PAPPA: variants seen among roughly 807,000 people sequenced by gnomAD.
PAPPA encodes the protein pappalysin 1, also known as pappalysin-1.
PAPPA carries 60 observed loss-of-function variants against 164.0 expected under a neutral mutation model. The ratio of observed to expected loss-of-function variants is 0.37; its 90% CI spans 0.30 to 0.45. The LOEUF is 0.45. Among genes scored for constraint, PAPPA ranks in the 20% least tolerant of loss-of-function variants. The pLI, the probability that PAPPA is intolerant of heterozygous loss-of-function variation, is 1.00. For synonymous variants in PAPPA, 875 were observed against 814.1 expected (o/e 1.07, Z -1.27); for missense variants, 1,782 against 2,087.3 (o/e 0.85, Z 2.85).
intron 19 of PAPPA, among the ~76,000 whole-genome samples, chr9:116,370,004 C>T (rs1388394626): frequency 1.3e-5 from 2 of 152,182 alleles, no homozygotes; most frequent in African/African-American, 4.8e-5. Context: ...GCCCCTTGTG[C>T]GGTGAGAGCT....
chr9:116,382,258 G>T, intron 20 of PAPPA, 137 bp from the exon 21 acceptor site: 1 of 656,328 alleles, frequency 1.5e-6, no homozygotes. Context: ...AGGGGGTGTT[G>T]GGGATGTGAA....
At chr9:116,203,474 C>T (rs1844194736) in intron 2 of PAPPA, among the ~76,000 whole-genome samples, 2 of 152,114 alleles carry the variant, frequency 1.3e-5, no homozygotes, top group South Asian at 2.1e-4. Context: ...GACAGATGCT[C>T]ACACAGTGAA....
intron 10 of PAPPA, among the ~76,000 whole-genome samples, chr9:116,322,646 G>A (rs1333400376): frequency 6.6e-6 from 1 of 152,100 alleles, no homozygotes; most frequent in Admixed American, 6.5e-5. Flanking sequence ...AAGAATCTTG[G>A]AGGTTTATAT....
At chr9:116,389,627 C>T (rs541951510) in intron 21 of PAPPA, among the ~76,000 whole-genome samples, 2 of 152,172 alleles carry the variant, frequency 1.3e-5, no homozygotes, top group African/African-American at 4.8e-5. Flanking sequence ...TTCTACTTTA[C>T]AGCCTTTGTC....
At chr9:116,221,823 T>C (rs992273744) in intron 5 of PAPPA, among the ~76,000 whole-genome samples, 2 of 152,210 alleles carry the variant, frequency 1.3e-5, no homozygotes, top group Admixed American at 6.5e-5. Flanking sequence ...AGGACCTAAA[T>C]AGACACTTCA....
chr9:116,226,010 A>G (rs148213342), intron 5 of PAPPA, among the ~76,000 whole-genome samples: 564 of 46,208 alleles, frequency 0.012, 8 homozygotes, highest in African/African-American at 0.05. Flanking sequence ...CCTGCATGTC[A>G]AAAAAAGTTT....
At position 116,154,492 on chromosome 9, in the gene PAPPA, G is replaced by C; in HGVS notation, c.320G>C (p.Arg107Pro). ...TTCAGCGGGCGAGGCGAGCAGCTGC[G>C]CCTCCGGGCCGACCTCGAGCTGCCC... ...LYFSGRGEQL[R>P]LRADLELPRD... The change falls in exon 1 of 22, where the codon CGC becomes CCC. Residue 107 changes from arginine (R) to proline (P), a missense_variant. Around this residue, in one of 2 missense-constraint regions of PAPPA, gnomAD observed 458 missense variants for 430.3 expected, o/e 1.06. Coordinates refer to ENST00000328252, the MANE Select transcript of PAPPA (RefSeq NM_002581.5). The surrounding 1 kb of genome is among the most constrained non-coding windows in gnomAD (Gnocchi z 5.2). 1 of 1,313,140 alleles carries C rather than the reference G, an allele frequency of 7.6e-7. No homozygotes were observed. The highest frequency in any genetic ancestry group is 9.7e-7 in the Non-Finnish European group (1 of 1,029,746). The allele number at this position is 1,313,140 out of a possible 1,614,324, so 81.3% of individuals were successfully genotyped here.
chr9:116,340,300 G>A (rs1165359077), intron 13 of PAPPA, among the ~76,000 whole-genome samples: 1 of 152,198 alleles, frequency 6.6e-6, no homozygotes, highest in African/African-American at 2.4e-5. Context: ...GAGACGGTCA[G>A]TTAGGGTAAT....
At chr9:116,160,846 C>T (rs538794119) in intron 1 of PAPPA, among the ~76,000 whole-genome samples, 2 of 152,310 alleles carry the variant, frequency 1.3e-5, no homozygotes, top group East Asian at 3.9e-4. Context: ...CTTGTAAGTT[C>T]CTTGGCTTGT....
Position 116,347,287 on chromosome 9 carries a change from G to A in PAPPA, c.3964+78G>A. ...GAAGCTGCATCCAGGCCCTCTTTCT[G>A]GGTCTCAAACACCAAGGGTGGGATG... On this transcript the variant is annotated intron_variant, in intron 15 of 21. Transcript: ENST00000328252. The surrounding 1 kb of genome is among the most constrained non-coding windows in gnomAD (Gnocchi z 4.5). The A allele has an allele frequency of 7.5e-7, 1 of 1,330,660 alleles. No homozygotes were observed. 82.4% of individuals were successfully genotyped at this position (1,330,660 alleles called of 1,614,324 possible).
intron 7 of PAPPA, among the ~76,000 whole-genome samples, chr9:116,256,676 T>A (rs892675329): frequency 2.0e-5 from 3 of 152,120 alleles, no homozygotes; most frequent in Non-Finnish European, 2.9e-5. Context: ...ACAACCTGAA[T>A]TTATGAAATA....
intron 1 of PAPPA, among the ~76,000 whole-genome samples, chr9:116,164,868 G>A (rs1217908311): frequency 3.3e-5 from 5 of 152,310 alleles, no homozygotes; most frequent in South Asian, 2.1e-4. Flanking sequence ...ATTGATAAAT[G>A]TGATACTCAG....
intron 7 of PAPPA, among the ~76,000 whole-genome samples, chr9:116,255,162 C>T (rs1844913574): frequency 6.6e-6 from 1 of 151,892 alleles, no homozygotes; most frequent in South Asian, 2.1e-4. Context: ...TTTTTGTGGT[C>T]TGTATTTTAC....
chr9:116,228,204 C>G (rs1286815600), intron 6 of PAPPA, among the ~76,000 whole-genome samples: 2 of 152,168 alleles, frequency 1.3e-5, no homozygotes, highest in African/African-American at 4.8e-5. Context: ...GAGAAGAATA[C>G]CTTTTGCCAA....
intron 9 of PAPPA, among the ~76,000 whole-genome samples, chr9:116,297,331 A>G (rs928163018): frequency 6.6e-6 from 1 of 152,202 alleles, no homozygotes; most frequent in Non-Finnish European, 1.5e-5. Flanking sequence ...TTTTACAGTA[A>G]CCGATAACTT....
intron 9 of PAPPA, among the ~76,000 whole-genome samples, chr9:116,293,224 G>A (rs572019926): frequency 1.3e-5 from 2 of 152,190 alleles, no homozygotes; most frequent in Admixed American, 1.3e-4. Context: ...AGGAGAAATA[G>A]TATTTAGGAG....
rs1490220789 is a variant in PAPPA, at chr9:116,398,017, C to T, written c.*1401C>T. On this transcript the variant is annotated 3_prime_UTR_variant, in exon 22 of 22. Coordinates refer to ENST00000328252, the MANE Select transcript of PAPPA (RefSeq NM_002581.5). Reference sequence around the variant, plus strand: ...CTCAGCACCAACAACTCAACATGGTCATCATGTTTTCTATATGGTTTTTCC... The same window carrying T: ...CTCAGCACCAACAACTCAACATGGTTATCATGTTTTCTATATGGTTTTTCC... 6.5e-6 allele frequency: 1 copy of T among 152,924 alleles called. No individual in the cohort carries two copies. Among genetic ancestry groups the T allele is most frequent in the Non-Finnish European group, 1.5e-5 (1 of 68,600 alleles). The allele number at this position is 152,924 out of a possible 1,614,324, so 9.5% of individuals were successfully genotyped here.
At chr9:116,202,421 C>G (rs543419432) in intron 2 of PAPPA, among the ~76,000 whole-genome samples, 56 of 152,214 alleles carry the variant, frequency 3.7e-4, no homozygotes, top group Middle Eastern at 3.4e-3. Flanking sequence ...GCTTTGATCT[C>G]CCTCCAGAAC....
chr9:116,398,470 C>G lies in PAPPA; in HGVS notation c.*1854C>G. 1.4e-6 allele frequency: 1 copy of G among 724,796 alleles called. No individual in the cohort carries two copies. The highest frequency in any genetic ancestry group is 1.8e-5 in the South Asian group (1 of 56,660). 44.9% of individuals were successfully genotyped at this position (724,796 alleles called of 1,614,324 possible). Reference sequence around the variant, plus strand: ...TCCAAGGCAGGTGTTGTTAATCTATCATAGCACTTAAAAAAAAAAAAAAAA... The same window carrying G: ...TCCAAGGCAGGTGTTGTTAATCTATGATAGCACTTAAAAAAAAAAAAAAAA... On this transcript the variant is annotated 3_prime_UTR_variant, in exon 22 of 22. Transcript: ENST00000328252.
Sources: gnomAD v4.1 joint callset for allele counts (sites outside exome capture counted in the v4.1 genomes callset) on GRCh38, gnomAD v4.1.1 for gene constraint, gnomAD v4.1.1 regional missense constraint, Gnocchi (gnomAD v3.1) non-coding constraint, MANE v1.5 for transcripts, NCBI Gene and HGNC (gene_info 2026-07-23, HGNC 2026-07-21) for gene names.